Variants in AP3S1 observed in about 807,000 individuals in gnomAD.
AP3S1 encodes the protein AP-3 complex subunit sigma-1.
In AP3S1, 12 loss-of-function variants were observed where a neutral mutation model predicts 21.3. The observed-to-expected ratio is 0.56, with a 90% CI of 0.36 to 0.91. AP3S1 has a LOEUF of 0.91. Among genes scored for constraint, AP3S1 ranks in the 40% least tolerant of loss-of-function variants. The pLI, the probability that AP3S1 is intolerant of heterozygous loss-of-function variation, is 0.01. For missense variants in AP3S1, 116 were observed against 225.0 expected, an observed-to-expected ratio of 0.52 and a Z score of 3.10; for synonymous variants, 48 against 78.4, an observed-to-expected ratio of 0.61 and a Z score of 2.05.
chr5:115,902,347 G>A (rs545486488), intron 4 of AP3S1, among the ~76,000 whole-genome samples: 3 of 152,250 alleles, frequency 2.0e-5, no homozygotes, highest in East Asian at 1.9e-4. Flanking sequence ...AATATTACAT[G>A]TGTAGAGGAT....
At chr5:115,849,213 T>A (rs1294197744) in intron 1 of AP3S1, among the ~76,000 whole-genome samples, 1 of 152,208 alleles carries the variant, frequency 6.6e-6, no homozygotes, top group East Asian at 1.9e-4. Context: ...GGCAGTAAAT[T>A]ATTTAAGATT....
intron 1 of AP3S1, among the ~76,000 whole-genome samples, chr5:115,864,188 C>G (rs755983297): frequency 2.6e-5 from 4 of 152,194 alleles, no homozygotes; most frequent in Non-Finnish European, 4.4e-5. Flanking sequence ...AAGATAAACA[C>G]CAGCTGCTAG....
At chr5:115,910,307 T>A (rs1328680339) in intron 5 of AP3S1, among the ~76,000 whole-genome samples, 1 of 151,676 alleles carries the variant, frequency 6.6e-6, no homozygotes, top group Non-Finnish European at 1.5e-5. Flanking sequence ...TTGAGGCCTT[T>A]CTCTATCACA....
intron 3 of AP3S1, among the ~76,000 whole-genome samples, chr5:115,875,204 A>G (rs976978539): frequency 6.6e-6 from 1 of 152,048 alleles, no homozygotes; most frequent in Non-Finnish European, 1.5e-5. Flanking sequence ...TTTATCCTAT[A>G]TGTTGTTTGA....
intron 3 of AP3S1, among the ~76,000 whole-genome samples, chr5:115,884,521 G>A (rs964796719): frequency 6.6e-6 from 1 of 152,194 alleles, no homozygotes; most frequent in Admixed American, 6.5e-5. Flanking sequence ...GTTGCTGTGA[G>A]TTGAAATCAC....
chr5:115,896,685 A>G (rs1004584376), intron 4 of AP3S1, among the ~76,000 whole-genome samples: 3 of 152,172 alleles, frequency 2.0e-5, no homozygotes, highest in Non-Finnish European at 2.9e-5. Flanking sequence ...AGGCTGAGGA[A>G]AGAGGATCAC....
intron 3 of AP3S1, among the ~76,000 whole-genome samples, chr5:115,878,858 T>C (rs1749005814): frequency 6.6e-6 from 1 of 152,106 alleles, no homozygotes; most frequent in Non-Finnish European, 1.5e-5. Flanking sequence ...TTGTTTGTGT[T>C]CTGTCTTATT....
intron 2 of AP3S1, 57 bp downstream of exon 2, chr5:115,866,818 A>G: frequency 1.7e-6 from 2 of 1,209,176 alleles, no homozygotes. Context: ...TAAAATATAT[A>G]CTGTTTAATC....
chr5:115,879,175 T>C (rs1749045286), intron 3 of AP3S1, among the ~76,000 whole-genome samples: 1 of 152,206 alleles, frequency 6.6e-6, no homozygotes, highest in South Asian at 2.1e-4. Context: ...TCTTCCTCTA[T>C]GAATACAGTT....
At chr5:115,851,333 T>G (rs1762425125) in intron 1 of AP3S1, among the ~76,000 whole-genome samples, 1 of 152,200 alleles carries the variant, frequency 6.6e-6, no homozygotes, top group Non-Finnish European at 1.5e-5. Context: ...TTTTTATAGG[T>G]ACATACCCAG....
intron 3 of AP3S1, among the ~76,000 whole-genome samples, chr5:115,872,025 A>C (rs553010247): frequency 1.2e-4 from 19 of 152,274 alleles, no homozygotes; most frequent in African/African-American, 4.3e-4. Flanking sequence ...AAAAATAAAA[A>C]CATTGTGGCC....
intron 4 of AP3S1, among the ~76,000 whole-genome samples, chr5:115,900,461 G>C (rs1751114688): frequency 1.3e-5 from 2 of 152,288 alleles, no homozygotes; most frequent in East Asian, 3.9e-4. Flanking sequence ...TTGTGGTCCA[G>C]CTAGATGTTC....
intron 5 of AP3S1, among the ~76,000 whole-genome samples, chr5:115,904,364 G>A (rs1012980038): frequency 6.6e-6 from 1 of 152,148 alleles, no homozygotes; most frequent in Admixed American, 6.5e-5. Flanking sequence ...ATTCAATTCT[G>A]TGTCCATTTT....
intron 1 of AP3S1, among the ~76,000 whole-genome samples, chr5:115,861,859 T>C (rs1393567859): frequency 1.6e-4 from 22 of 137,126 alleles, no homozygotes; most frequent in African/African-American, 2.2e-4. Context: ...AATTTTCTTT[T>C]CTTTTCTTTT....
intron 5 of AP3S1, among the ~76,000 whole-genome samples, chr5:115,904,714 T>C (rs1222674443): frequency 6.6e-6 from 1 of 152,216 alleles, no homozygotes; most frequent in African/African-American, 2.4e-5. Context: ...TGCAATATAT[T>C]ATTTAGTAAA....
At chr5:115,852,352 A>G (rs1019949624) in intron 1 of AP3S1, among the ~76,000 whole-genome samples, 4 of 152,106 alleles carry the variant, frequency 2.6e-5, no homozygotes, top group African/African-American at 9.7e-5. Flanking sequence ...CTTCCACAGA[A>G]AAGTTCTGTA....
At chr5:115,893,197 CT>C (rs1750467239) in intron 3 of AP3S1, among the ~76,000 whole-genome samples, 1 of 152,124 alleles carries the variant, frequency 6.6e-6, no homozygotes, top group Non-Finnish European at 1.5e-5. Context: ...CCAAGTGCCA[CT>C]AGCGATGGTG....
At chr5:115,843,067 C>G (rs896996557) in intron 1 of AP3S1, among the ~76,000 whole-genome samples, 1 of 152,094 alleles carries the variant, frequency 6.6e-6, no homozygotes. Flanking sequence ...TGTTGATGAT[C>G]GAGGAAGGGT....
intron 1 of AP3S1, among the ~76,000 whole-genome samples, chr5:115,860,709 TTTG>T (rs1304354781): frequency 6.6e-6 from 1 of 152,150 alleles, no homozygotes; most frequent in Non-Finnish European, 1.5e-5. Flanking sequence ...CTTTCAAGAT[TTTG>T]TTGTTGTTGT....
Sources: gnomAD v4.1 joint callset for allele counts (sites outside exome capture counted in the v4.1 genomes callset) on GRCh38, gnomAD v4.1.1 for gene constraint, MANE v1.5 for transcripts, NCBI Gene and HGNC (gene_info 2026-07-23, HGNC 2026-07-21) for gene names.